AGBL4: variants seen among roughly 807,000 people sequenced by gnomAD.
AGBL4 encodes cytosolic carboxypeptidase 6.
Under a neutral mutation model 66.4 loss-of-function variants are expected in AGBL4, and 58 were observed. The observed-to-expected ratio is 0.87, with a 90% CI of 0.71 to 1.09. The LOEUF is 1.09. AGBL4 is among the 50% of genes least tolerant of loss of function. The pLI, the probability that AGBL4 is intolerant of heterozygous loss-of-function variation, is 0.00. For synonymous variants in AGBL4, 234 were observed against 222.9 expected (o/e 1.05, Z -0.44); for missense variants, 579 against 631.0 (o/e 0.92, Z 0.88).
At chr1:48,769,005 G>A (rs1934394) in intron 6 of AGBL4, among the ~76,000 whole-genome samples, 1 of 152,030 alleles carries the variant, frequency 6.6e-6, no homozygotes, top group Non-Finnish European at 1.5e-5. Context: ...AAGACATCAG[G>A]AGACACCAAA....
At chr1:48,637,609 G>C (rs540658773) in intron 8 of AGBL4, among the ~76,000 whole-genome samples, 1 of 152,246 alleles carries the variant, frequency 6.6e-6, no homozygotes, top group South Asian at 2.1e-4. Context: ...TGGGTGATGC[G>C]AGGCAGCAGG....
At chr1:48,707,526 CTGGG>C (rs1646899981) in intron 6 of AGBL4, among the ~76,000 whole-genome samples, 1 of 152,164 alleles carries the variant, frequency 6.6e-6, no homozygotes, top group Non-Finnish European at 1.5e-5. Context: ...GAAAGAATTT[CTGGG>C]CTGCTCTTGG....
chr1:49,547,375 T>C (rs1458679610), intron 3 of AGBL4, among the ~76,000 whole-genome samples: 1 of 152,246 alleles, frequency 6.6e-6, no homozygotes, highest in East Asian at 1.9e-4. Context: ...CCTATTTTTA[T>C]AGCAGTACCA....
intron 4 of AGBL4, among the ~76,000 whole-genome samples, chr1:49,122,880 G>T (rs1167691144): frequency 1.3e-5 from 2 of 152,214 alleles, no homozygotes; most frequent in Admixed American, 6.5e-5. Context: ...CTGAGACAGA[G>T]TCTCACTCTG....
chr1:49,245,086 T>C (rs1205687361), intron 4 of AGBL4, among the ~76,000 whole-genome samples: 1 of 151,692 alleles, frequency 6.6e-6, no homozygotes, highest in East Asian at 1.9e-4. Context: ...AATGTGGAAA[T>C]AGTAACAACA....
chr1:49,376,501 C>T (rs1435480403), intron 3 of AGBL4, among the ~76,000 whole-genome samples: 1 of 152,062 alleles, frequency 6.6e-6, no homozygotes, highest in African/African-American at 2.4e-5. Context: ...GTAAGAGCTT[C>T]CTCCCCTTAT....
At chr1:48,628,955 G>A (rs927625390) in intron 9 of AGBL4, among the ~76,000 whole-genome samples, 1 of 93,112 alleles carries the variant, frequency 1.1e-5, no homozygotes, top group African/African-American at 3.9e-5. Flanking sequence ...TCATCAGATT[G>A]TAAGCTTCTC....
At chr1:48,669,507 C>G (rs1646242805) in intron 6 of AGBL4, among the ~76,000 whole-genome samples, 1 of 152,188 alleles carries the variant, frequency 6.6e-6, no homozygotes, top group Non-Finnish European at 1.5e-5. Context: ...TACCAAGTGT[C>G]CCATGTCTCC....
chr1:49,298,273 G>A (rs1644679904), intron 3 of AGBL4, among the ~76,000 whole-genome samples: 1 of 152,152 alleles, frequency 6.6e-6, no homozygotes, highest in Non-Finnish European at 1.5e-5. Context: ...AGGAGAATGG[G>A]CTGAAAGTCC....
intron 7 of AGBL4, among the ~76,000 whole-genome samples, chr1:48,662,700 A>C (rs1272497552): frequency 2.6e-5 from 4 of 152,180 alleles, no homozygotes; most frequent in African/African-American, 9.7e-5. Context: ...GGTATTTCAA[A>C]AGTTGTTTAA....
At chr1:49,750,411 G>C (rs567890342) in intron 2 of AGBL4, among the ~76,000 whole-genome samples, 19 of 152,218 alleles carry the variant, frequency 1.2e-4, no homozygotes, top group African/African-American at 4.3e-4. Flanking sequence ...TAGATGTGTG[G>C]TGTTATTTCT....
chr1:49,644,545 A>C (rs1321968272), intron 3 of AGBL4, among the ~76,000 whole-genome samples: 2 of 151,632 alleles, frequency 1.3e-5, no homozygotes, highest in Non-Finnish European at 3.0e-5. Context: ...AGAATATCAC[A>C]AGGTATAAAG....
chr1:48,606,359 T>C lies in AGBL4; in HGVS notation c.952-15374A>G, dbSNP rs138395975. Among the ~76,000 whole-genome samples the C allele has an allele frequency of 3.4e-3, 523 of 152,294 alleles. 6 individuals carry two copies. The highest frequency in any genetic ancestry group is 0.012 in the African/African-American group (503 of 41,556). On this transcript the variant is annotated intron_variant, in intron 9 of 13. Transcript: ENST00000371839. ...TGTTTACAGAGAACTAAAATTCCTG[T>C]CTCTTAGTTGACTTCATGGCATTTT...
In AGBL4 at chr1:49,112,242, C is replaced by T. The variant is rs568459406; in HGVS notation, c.378-66442G>A. Among the ~76,000 whole-genome samples, 4 of 152,262 alleles carry T rather than the reference C, an allele frequency of 2.6e-5. No homozygotes were observed. The South Asian group carries it at 8.3e-4, about 32-fold the overall frequency. The stretch of plus-strand genomic sequence containing the variant: ...TGAGGATCTGTTTTCTGGAGTATAA[C>T]ATAGTGATAGAAATAGAGTTCCTTT... On this transcript the variant is annotated intron_variant, in intron 4 of 13. Transcript: ENST00000371839.
chr1:48,534,372 T>C (rs185825527), intron 13 of AGBL4, 79 bp from the exon 14 acceptor site: 125 of 1,473,146 alleles, frequency 8.5e-5, no homozygotes, highest in Non-Finnish European at 1.1e-4. Flanking sequence ...TGCATGTCTA[T>C]CTTCCCCACT....
intron 4 of AGBL4, among the ~76,000 whole-genome samples, chr1:49,046,314 T>C (rs1644079441): frequency 1.3e-5 from 2 of 152,194 alleles, no homozygotes; most frequent in Non-Finnish European, 2.9e-5. Flanking sequence ...GTTTTTTAAA[T>C]TATAAGACTA....
At chr1:49,967,448 G>C (rs1657660450) in intron 1 of AGBL4, among the ~76,000 whole-genome samples, 1 of 151,958 alleles carries the variant, frequency 6.6e-6, no homozygotes, top group Admixed American at 6.6e-5. Context: ...TCACTCATAA[G>C]TGGGAGTTGA....
chr1:49,513,188 C>T (rs1234741015), intron 3 of AGBL4, among the ~76,000 whole-genome samples: 1 of 152,026 alleles, frequency 6.6e-6, no homozygotes, highest in Non-Finnish European at 1.5e-5. Flanking sequence ...TCCCAAATAC[C>T]ATGCCAGAAT....
intron 5 of AGBL4, among the ~76,000 whole-genome samples, chr1:48,949,737 C>T (rs7522725): frequency 0.12 from 18,540 of 152,200 alleles, 1,845 homozygotes; most frequent in African/African-American, 0.27. Context: ...ATGGCCAATG[C>T]TCCATCCCCA....
Sources: allele counts gnomAD v4.1 joint callset (sites outside exome capture counted in the v4.1 genomes callset), GRCh38; gene constraint gnomAD v4.1.1; transcripts MANE v1.5; gene names NCBI Gene and HGNC (gene_info 2026-07-23, HGNC 2026-07-21).